The following GALNT13 variants were observed in gnomAD, a reference collection of about 807,000 sequenced individuals.
The protein encoded by GALNT13 is polypeptide N-acetylgalactosaminyltransferase 13.
GALNT13 carries 28 observed loss-of-function variants against 64.2 expected under a neutral mutation model. The ratio of observed to expected loss-of-function variants is 0.44; its 90% CI spans 0.32 to 0.60. The LOEUF (loss-of-function observed/expected upper bound fraction) is 0.60, where lower values mean the gene tolerates loss of function less well. Ranked by LOEUF, GALNT13 falls within the 20% of genes least tolerant of loss-of-function variation. The pLI is 0.05. For missense variants in GALNT13, 577 were observed against 669.8 expected (o/e 0.86, Z 1.53); for synonymous variants, 214 against 224.6 (o/e 0.95, Z 0.42).
the GALNT13 span, among the ~76,000 whole-genome samples, chr2:153,496,235 A>T: frequency 6.6e-6 from 1 of 152,216 alleles, no homozygotes; most frequent in South Asian, 2.1e-4. Context: ...ACGAGTTCAC[A>T]TAAACCATGG....
At chr2:153,593,289 G>A in the GALNT13 span, 2 of 152,574 alleles carry the variant, frequency 1.3e-5, no homozygotes, top group South Asian at 4.1e-4. Flanking sequence ...AGAGCAGAGT[G>A]AGGCCTGTGA....
At chr2:154,137,505 CTG>C (rs1232436946) in intron 3 of GALNT13, among the ~76,000 whole-genome samples, 1 of 152,126 alleles carries the variant, frequency 6.6e-6, no homozygotes, top group African/African-American at 2.4e-5. Context: ...TATACGGACA[CTG>C]TTTATGACCA....
the GALNT13 span, among the ~76,000 whole-genome samples, chr2:153,145,554 A>G: frequency 2.0e-5 from 3 of 151,858 alleles, no homozygotes; most frequent in Admixed American, 2.0e-4. Flanking sequence ...TCATTTTGGA[A>G]CCCCAGGTCT....
At chr2:154,032,539 G>T (rs1698403701) in intron 3 of GALNT13, among the ~76,000 whole-genome samples, 1 of 151,534 alleles carries the variant, frequency 6.6e-6, no homozygotes, top group Non-Finnish European at 1.5e-5. Flanking sequence ...AAATCATCTA[G>T]TAGCATATTA....
chr2:154,007,450 G>A (rs1435529264), intron 3 of GALNT13, among the ~76,000 whole-genome samples: 1 of 151,988 alleles, frequency 6.6e-6, no homozygotes, highest in Non-Finnish European at 1.5e-5. Context: ...ATGAAAGGTT[G>A]CGATTATTCT....
chr2:154,144,435 G>A (rs1458931760), intron 4 of GALNT13, among the ~76,000 whole-genome samples: 1 of 152,120 alleles, frequency 6.6e-6, no homozygotes, highest in Admixed American at 6.5e-5. Flanking sequence ...GATACATTAA[G>A]CTAGCACAAG....
chr2:153,121,383 A>AT, the GALNT13 span, among the ~76,000 whole-genome samples: 8 of 152,104 alleles, frequency 5.3e-5, no homozygotes, highest in African/African-American at 1.9e-4. Flanking sequence ...CTTACACTCT[A>AT]TTTTTTTCTG....
chr2:153,783,860 C>A, the GALNT13 span, among the ~76,000 whole-genome samples: 1 of 152,148 alleles, frequency 6.6e-6, no homozygotes, highest in African/African-American at 2.4e-5. Context: ...TAAAGCCTTC[C>A]CAGCCATGCT....
At chr2:153,635,349 C>T in the GALNT13 span, among the ~76,000 whole-genome samples, 2 of 145,868 alleles carry the variant, frequency 1.4e-5, no homozygotes, top group African/African-American at 2.5e-5. Flanking sequence ...AACCAAGAAA[C>T]TTTAAACAGA....
the GALNT13 span, among the ~76,000 whole-genome samples, chr2:153,104,969 C>T: frequency 6.6e-6 from 1 of 151,556 alleles, no homozygotes; most frequent in East Asian, 2.0e-4. Context: ...ATGTGCCATG[C>T]TGGTGTGTGC....
chr2:154,391,251 G>A (rs539260976), intron 9 of GALNT13, among the ~76,000 whole-genome samples: 2 of 152,266 alleles, frequency 1.3e-5, no homozygotes, highest in South Asian at 4.2e-4. Context: ...TCAAGGGTAT[G>A]CTTTTATTAG....
the GALNT13 span, among the ~76,000 whole-genome samples, chr2:153,507,441 C>A: frequency 2.0e-5 from 3 of 151,936 alleles, no homozygotes; most frequent in Admixed American, 1.3e-4. Context: ...CCACGATGCA[C>A]AGCTAAGTTT....
At chr2:153,579,238 CCCAGGAGTCTT>C in the GALNT13 span, among the ~76,000 whole-genome samples, 1 of 152,048 alleles carries the variant, frequency 6.6e-6, no homozygotes, top group Non-Finnish European at 1.5e-5. Flanking sequence ...CAAAGGGTTG[CCCAGGAGTCTT>C]CTGGCTTAGA....
the GALNT13 span, among the ~76,000 whole-genome samples, chr2:153,113,121 A>G: frequency 6.6e-6 from 1 of 152,134 alleles, no homozygotes; most frequent in Admixed American, 6.5e-5. Context: ...ACATGTTTAC[A>G]TAAATACGTC....
chr2:153,697,263 T>C, the GALNT13 span, among the ~76,000 whole-genome samples: 1 of 152,196 alleles, frequency 6.6e-6, no homozygotes, highest in African/African-American at 2.4e-5. Flanking sequence ...ATGCCTCCTG[T>C]GGTGTCTGCT....
chr2:153,213,266 G>A, the GALNT13 span, among the ~76,000 whole-genome samples: 1 of 152,198 alleles, frequency 6.6e-6, no homozygotes, highest in East Asian at 1.9e-4. Flanking sequence ...TGACCCAGGT[G>A]GATGATGCAC....
At chr2:154,236,710 A>G (rs1463845512) in intron 4 of GALNT13, among the ~76,000 whole-genome samples, 2 of 152,028 alleles carry the variant, frequency 1.3e-5, no homozygotes, top group African/African-American at 4.8e-5. Context: ...AATTACATAT[A>G]CATTGTGCTC....
intron 4 of GALNT13, among the ~76,000 whole-genome samples, chr2:154,178,791 C>A (rs1444397305): frequency 6.6e-6 from 1 of 152,148 alleles, no homozygotes; most frequent in African/African-American, 2.4e-5. Context: ...GCTCCAGTTT[C>A]TTTCATGAGT....
At chr2:153,742,703 A>G in the GALNT13 span, among the ~76,000 whole-genome samples, 1 of 152,088 alleles carries the variant, frequency 6.6e-6, no homozygotes, top group Non-Finnish European at 1.5e-5. Flanking sequence ...GATTTCACTT[A>G]GGATAATGGC....
Sources: allele counts gnomAD v4.1 joint callset (sites outside exome capture counted in the v4.1 genomes callset), GRCh38; gene constraint gnomAD v4.1.1; transcripts MANE v1.5; gene names NCBI Gene and HGNC (gene_info 2026-07-23, HGNC 2026-07-21).